TMEM117: variants seen among roughly 807,000 people sequenced by gnomAD.
TMEM117 encodes transmembrane protein 117.
In TMEM117, 27 loss-of-function variants were observed where a neutral mutation model predicts 52.4. That is an observed-to-expected ratio of 0.51 (90% CI 0.38 to 0.71). The LOEUF is 0.71. Among genes scored for constraint, TMEM117 ranks in the 30% least tolerant of loss-of-function variants. The pLI is 0.00. For synonymous variants in TMEM117, 215 were observed against 206.3 expected (o/e 1.04, Z -0.36); for missense variants, 556 against 630.5 (o/e 0.88, Z 1.26).
chr12:43,835,351 C>T (rs74423632), upstream of TMEM117, among the ~76,000 whole-genome samples: 1,180 of 152,220 alleles, frequency 7.8e-3, 26 homozygotes, highest in East Asian at 0.042. Context: ...AAAAATTGTA[C>T]ATGAGTATGT....
At chr12:44,162,218 C>T (rs1948907402) in intron 4 of TMEM117, among the ~76,000 whole-genome samples, 1 of 152,120 alleles carries the variant, frequency 6.6e-6, no homozygotes. Flanking sequence ...TGTGGTCCAC[C>T]CCAGTCTTTA....
chr12:44,310,371 G>A lies in TMEM117; in HGVS notation c.768+10632G>A, dbSNP rs530729022. Among the ~76,000 whole-genome samples, 4 of 152,322 alleles carry A rather than the reference G, an allele frequency of 2.6e-5. No individual in the cohort carries two copies. The South Asian group carries it at 8.3e-4, about 32-fold the overall frequency. Reference sequence around the variant, plus strand: ...GAATCACTGGGGGCAGGGCACAGTGGCTCACGCCTCTAATCCCAGCACTTT... The same window carrying A: ...GAATCACTGGGGGCAGGGCACAGTGACTCACGCCTCTAATCCCAGCACTTT... On this transcript the variant is annotated intron_variant, in intron 6 of 7. Transcript: ENST00000266534.
rs772754829 is a variant in TMEM117 at position 43,891,367 on chromosome 12, A to ATTTT, written c.277+46459_277+46462dup. Among the ~76,000 whole-genome samples the ATTTT allele has an allele frequency of 8.2e-3, 474 of 57,764 alleles. 64 individuals are homozygous for ATTTT. Among genetic ancestry groups the ATTTT allele is most frequent in the African/African-American group, 0.025 (421 of 16,904 alleles). The allele number at this position is 57,764 out of a possible 152,430, so 37.9% of individuals were successfully genotyped here. A position where few individuals can be genotyped will look rare whatever the true frequency, so the allele number is the denominator to read the frequency against. ...ATTTCTTTTGGGAAATACCTCTTGA[A>ATTTT]TTTTTTTTTTTTTTTTTTTTTTTGA... On this transcript the variant is annotated intron_variant, in intron 2 of 7. Transcript: ENST00000266534.
At chr12:43,895,862 C>T (rs994688820) in intron 2 of TMEM117, among the ~76,000 whole-genome samples, 4 of 145,386 alleles carry the variant, frequency 2.8e-5, no homozygotes, top group African/African-American at 9.8e-5. Context: ...TCTTCAAGTA[C>T]TGAATATTGT....
intron 2 of TMEM117, among the ~76,000 whole-genome samples, chr12:43,904,286 A>T (rs1033249588): frequency 2.6e-4 from 40 of 152,072 alleles, no homozygotes; most frequent in African/African-American, 8.9e-4. Flanking sequence ...ATGGGGGAGG[A>T]TAGCTTGAGC....
the TMEM117 span, among the ~76,000 whole-genome samples, chr12:43,798,980 A>G: frequency 1.1e-3 from 166 of 152,196 alleles, 1 homozygote; most frequent in African/African-American, 3.8e-3. Flanking sequence ...ATCTCTATTC[A>G]AGTAGAGTTC....
intron 5 of TMEM117, among the ~76,000 whole-genome samples, chr12:44,241,719 C>G (rs1950064805): frequency 6.6e-6 from 1 of 151,888 alleles, no homozygotes. Context: ...TATTTTAAAG[C>G]TGGCAAAACA....
At chr12:44,008,711 A>G (rs1254637198) in intron 3 of TMEM117, 2 of 352,050 alleles carry the variant, frequency 5.7e-6, no homozygotes, top group Non-Finnish European at 1.1e-5. Flanking sequence ...TCTTCTGCAT[A>G]TGATACAAGT....
the TMEM117 span, among the ~76,000 whole-genome samples, chr12:43,803,529 A>G: frequency 6.6e-6 from 1 of 152,264 alleles, no homozygotes; most frequent in Non-Finnish European, 1.5e-5. Context: ...ACAAAACAAA[A>G]AAGTAAAACC....
At chr12:44,124,982 T>C (rs1948298571) in intron 3 of TMEM117, among the ~76,000 whole-genome samples, 1 of 152,214 alleles carries the variant, frequency 6.6e-6, no homozygotes, top group African/African-American at 2.4e-5. Context: ...TTAGTAGGAA[T>C]GGTACCAGCT....
At chr12:44,310,680 G>T (rs1395545669) in intron 6 of TMEM117, among the ~76,000 whole-genome samples, 2 of 152,186 alleles carry the variant, frequency 1.3e-5, no homozygotes, top group African/African-American at 4.8e-5. Flanking sequence ...TTACAGAGAT[G>T]TGAGTTCTCT....
chr12:44,130,378 C>T (rs923310274), intron 3 of TMEM117, among the ~76,000 whole-genome samples: 2 of 152,172 alleles, frequency 1.3e-5, no homozygotes, highest in Non-Finnish European at 2.9e-5. Context: ...TCCCTTCCCT[C>T]CAAAGTAATA....
chr12:44,227,604 T>C (rs1949879475), intron 5 of TMEM117, among the ~76,000 whole-genome samples: 2 of 152,172 alleles, frequency 1.3e-5, no homozygotes, highest in South Asian at 4.1e-4. Flanking sequence ...CAAACTTTAC[T>C]GAAAAGAAAT....
chr12:43,836,789 A>ATGTGTGTGTGGG (rs2137334599), intron 1 of TMEM117, among the ~76,000 whole-genome samples: 1 of 151,968 alleles, frequency 6.6e-6, no homozygotes, highest in Non-Finnish European at 1.5e-5. Context: ...AAGTATGTGT[A>ATGTGTGTGTGGG]TGTGTGTGTG....
intron 2 of TMEM117, among the ~76,000 whole-genome samples, chr12:43,881,122 T>C (rs979867550): frequency 6.6e-6 from 1 of 152,250 alleles, no homozygotes; most frequent in African/African-American, 2.4e-5. Flanking sequence ...ATATGGGAAC[T>C]TGCAATTTTT....
chr12:44,107,158 T>C (rs964127316), intron 3 of TMEM117, among the ~76,000 whole-genome samples: 2 of 152,082 alleles, frequency 1.3e-5, no homozygotes, highest in Non-Finnish European at 2.9e-5. Context: ...AATAACCTTA[T>C]ATATAAACTA....
chr12:43,831,684 T>C (rs1172966151), upstream of TMEM117, among the ~76,000 whole-genome samples: 3 of 152,062 alleles, frequency 2.0e-5, no homozygotes, highest in Middle Eastern at 3.4e-3. Context: ...GCTGGGACTA[T>C]AGGTGCGCAC....
chr12:43,832,066 T>A (rs1191423669), upstream of TMEM117, among the ~76,000 whole-genome samples: 1 of 152,120 alleles, frequency 6.6e-6, no homozygotes, highest in Non-Finnish European at 1.5e-5. Context: ...ATAAAAGAAA[T>A]GGAGTTGTTT....
intron 3 of TMEM117, among the ~76,000 whole-genome samples, chr12:44,064,676 A>G (rs934776085): frequency 2.0e-5 from 3 of 152,156 alleles, no homozygotes; most frequent in Non-Finnish European, 2.9e-5. Context: ...ATGTGATATG[A>G]TAAATTTTTG....
Sources: allele counts gnomAD v4.1 joint callset (sites outside exome capture counted in the v4.1 genomes callset), GRCh38; gene constraint gnomAD v4.1.1; transcripts MANE v1.5; gene names NCBI Gene and HGNC (gene_info 2026-07-23, HGNC 2026-07-21).